The following CHCHD6 variants were observed in gnomAD, a reference collection of about 807,000 sequenced individuals.
CHCHD6 encodes the protein MICOS complex subunit MIC25.
Under a neutral mutation model 32.3 loss-of-function variants are expected in CHCHD6, and 28 were observed. The observed-to-expected ratio is 0.87, with a 90% CI of 0.64 to 1.19. The LOEUF is 1.19. CHCHD6 is among the 50% of genes most tolerant of loss of function. The pLI is 0.00. For synonymous variants in CHCHD6, 122 were observed against 117.5 expected (o/e 1.04, Z -0.25); for missense variants, 333 against 307.0 (o/e 1.08, Z -0.63).
At chr3:126,924,445 T>A (rs1481910378) in intron 6 of CHCHD6, among the ~76,000 whole-genome samples, 1 of 152,128 alleles carries the variant, frequency 6.6e-6, no homozygotes, top group African/African-American at 2.4e-5. Flanking sequence ...TAATTAAAAA[T>A]TAACAAGACT....
At chr3:126,922,515 G>A (rs1559924322) in intron 6 of CHCHD6, among the ~76,000 whole-genome samples, 1 of 152,160 alleles carries the variant, frequency 6.6e-6, no homozygotes, top group Non-Finnish European at 1.5e-5. Context: ...ACTGAGATAC[G>A]TATCTCTCAG....
intron 4 of CHCHD6, among the ~76,000 whole-genome samples, chr3:126,740,578 T>C (rs1936249490): frequency 1.3e-5 from 2 of 152,208 alleles, no homozygotes; most frequent in African/African-American, 4.8e-5. Context: ...GCTGCTAACG[T>C]ACAGGGCTAA....
At chr3:126,839,614 T>C (rs1298859437) in intron 4 of CHCHD6, among the ~76,000 whole-genome samples, 1 of 152,080 alleles carries the variant, frequency 6.6e-6, no homozygotes, top group Non-Finnish European at 1.5e-5. Context: ...GTCAGTCTTC[T>C]CCTGTTGAAC....
chr3:126,792,486 T>C (rs1359730624), intron 4 of CHCHD6, among the ~76,000 whole-genome samples: 1 of 152,136 alleles, frequency 6.6e-6, no homozygotes, highest in Non-Finnish European at 1.5e-5. Context: ...ATACATCTTT[T>C]ACATTTTTCT....
chr3:126,842,358 G>A (rs897100807), intron 4 of CHCHD6, among the ~76,000 whole-genome samples: 1 of 152,166 alleles, frequency 6.6e-6, no homozygotes, highest in Admixed American at 6.5e-5. Context: ...AAAATACTGG[G>A]TGATTCAAAT....
At chr3:126,878,576 A>T (rs2077569132) in intron 5 of CHCHD6, among the ~76,000 whole-genome samples, 1 of 152,248 alleles carries the variant, frequency 6.6e-6, no homozygotes, top group Non-Finnish European at 1.5e-5. Flanking sequence ...AAACATATGG[A>T]AGTATGGAAA....
intron 5 of CHCHD6, among the ~76,000 whole-genome samples, chr3:126,902,356 T>A (rs1259367266): frequency 6.6e-6 from 1 of 152,078 alleles, no homozygotes; most frequent in Admixed American, 6.5e-5. Flanking sequence ...GCTGCAGATA[T>A]ATGAAGGATA....
intron 4 of CHCHD6, among the ~76,000 whole-genome samples, chr3:126,824,168 A>G (rs1450238706): frequency 6.6e-6 from 1 of 152,152 alleles, no homozygotes; most frequent in East Asian, 1.9e-4. Context: ...ATCATTAATT[A>G]TGTTGTTAGC....
At chr3:126,881,988 C>G (rs2077616915) in intron 5 of CHCHD6, among the ~76,000 whole-genome samples, 1 of 152,192 alleles carries the variant, frequency 6.6e-6, no homozygotes, top group South Asian at 2.1e-4. Flanking sequence ...CTTTCACGTC[C>G]TGGATTCCAA....
intron 4 of CHCHD6, among the ~76,000 whole-genome samples, chr3:126,810,652 A>T (rs533689766): frequency 6.6e-6 from 1 of 152,326 alleles, no homozygotes; most frequent in East Asian, 1.9e-4. Flanking sequence ...TTTAGTTGTG[A>T]CAAAGGCACT....
intron 4 of CHCHD6, among the ~76,000 whole-genome samples, chr3:126,802,289 C>A (rs551015134): frequency 3.9e-5 from 6 of 152,194 alleles, no homozygotes; most frequent in Non-Finnish European, 7.4e-5. Context: ...AAATTCAAAC[C>A]AAAGGCAAAG....
At chr3:126,705,822 AT>A (rs748508701) in intron 1 of CHCHD6, among the ~76,000 whole-genome samples, 132 of 152,290 alleles carry the variant, frequency 8.7e-4, no homozygotes, top group Non-Finnish European at 8.1e-4. Flanking sequence ...CAATGGCCAC[AT>A]TAAAAAAAAA....
chr3:126,894,295 G>A (rs908156369), intron 5 of CHCHD6, among the ~76,000 whole-genome samples: 13 of 152,190 alleles, frequency 8.5e-5, no homozygotes, highest in African/African-American at 3.1e-4. Flanking sequence ...AGGAGCCCAC[G>A]GTTCTCCTGA....
intron 5 of CHCHD6, among the ~76,000 whole-genome samples, chr3:126,881,716 G>A (rs1410820870): frequency 1.3e-5 from 2 of 152,166 alleles, no homozygotes; most frequent in East Asian, 1.9e-4. Flanking sequence ...GCACCGCTGT[G>A]TTTTGTTGTA....
chr3:126,747,904 T>C (rs1936568532), intron 4 of CHCHD6, among the ~76,000 whole-genome samples: 1 of 152,180 alleles, frequency 6.6e-6, no homozygotes, highest in Non-Finnish European at 1.5e-5. Flanking sequence ...CAGTTCGTGC[T>C]CTCTGACCTC....
chr3:126,754,434 C>G (rs1266931413), intron 4 of CHCHD6, among the ~76,000 whole-genome samples: 2 of 152,218 alleles, frequency 1.3e-5, no homozygotes, highest in Non-Finnish European at 2.9e-5. Flanking sequence ...AGCCATGTAC[C>G]TAGCCCTTTG....
At chr3:126,804,830 C>T (rs1939279872) in intron 4 of CHCHD6, among the ~76,000 whole-genome samples, 1 of 152,192 alleles carries the variant, frequency 6.6e-6, no homozygotes, top group Non-Finnish European at 1.5e-5. Context: ...AATCCAGCAG[C>T]ACATCAAAAA....
chr3:126,733,083 A>G lies in CHCHD6; in HGVS notation c.272A>G (p.Glu91Gly). The G allele has an allele frequency of 6.2e-7, 1 of 1,614,186 alleles. No individual in the cohort carries two copies. The highest frequency in any genetic ancestry group is 1.1e-5 in the South Asian group (1 of 91,086). The part of the protein sequence containing the change: ...SGMKEGVKRY[E>G]QEHAAIQDKL... ...CTCATGTTTCTTCTGCACAGGTATG[A>G]ACAGGAGCATGCTGCTATCCAGGAT... Residue 91 changes from glutamate (E) to glycine (G), a missense_variant, in exon 4 of 8, where the codon GAA (glutamate) becomes GGA (glycine). Physicochemically the swap from Glu to Gly is moderately conservative, Grantham distance 98. Coordinates refer to ENST00000290913, the MANE Select transcript of CHCHD6 (RefSeq NM_032343.3).
chr3:126,795,486 G>A (rs759374027), intron 4 of CHCHD6, among the ~76,000 whole-genome samples: 12 of 152,194 alleles, frequency 7.9e-5, no homozygotes, highest in Non-Finnish European at 1.5e-4. Flanking sequence ...CATAGCAAAT[G>A]TGTTCATCTT....
Sources: allele counts gnomAD v4.1 joint callset (sites outside exome capture counted in the v4.1 genomes callset), GRCh38; gene constraint gnomAD v4.1.1; transcripts MANE v1.5; gene names NCBI Gene and HGNC (gene_info 2026-07-23, HGNC 2026-07-21).